Variants in MYH15 observed in about 807,000 individuals in gnomAD.
MYH15 encodes the protein myosin heavy chain 15, also known as myosin-15.
MYH15 carries 227 observed loss-of-function variants against 240.5 expected under a neutral mutation model. The observed-to-expected ratio is 0.94, with a 90% CI of 0.85 to 1.05. The LOEUF is 1.05. MYH15 is among the 50% of genes least tolerant of loss of function. The probability of loss-of-function intolerance (pLI) is 0.00; values close to 1 mark genes in which losing one functional copy is unlikely to be tolerated. For synonymous variants in MYH15, 785 were observed against 796.7 expected (o/e 0.99, Z 0.25); for missense variants, 2,217 against 2,247.5 (o/e 0.99, Z 0.27).
chr3:108,387,835 G>A (rs1432021423), intron 38 of MYH15, among the ~76,000 whole-genome samples: 5 of 152,204 alleles, frequency 3.3e-5, no homozygotes, highest in Admixed American at 3.3e-4. Context: ...AATAATAAAA[G>A]AGCTGTGCAA....
intron 27 of MYH15, among the ~76,000 whole-genome samples, chr3:108,426,126 T>A (rs1286607084): frequency 2.7e-5 from 4 of 149,796 alleles, no homozygotes; most frequent in African/African-American, 9.9e-5. Context: ...ATGAAATGTA[T>A]AATCAAAGAG....
At chr3:108,515,009 T>C (rs569890596), upstream of MYH15, among the ~76,000 whole-genome samples, 115 of 152,278 alleles carry the variant, frequency 7.6e-4, no homozygotes, top group African/African-American at 2.7e-3. Context: ...AATTACCAGT[T>C]CTTATCCACT....
At chr3:108,546,441 T>C in the MYH15 span, among the ~76,000 whole-genome samples, 2 of 152,184 alleles carry the variant, frequency 1.3e-5, no homozygotes, top group East Asian at 3.8e-4. Context: ...ACTAAATCCC[T>C]GCCAAATGCT....
intron 11 of MYH15, 77 bp from the exon 12 acceptor site, chr3:108,476,592 C>T (rs1468675766): frequency 4.3e-6 from 4 of 925,390 alleles, no homozygotes; most frequent in East Asian, 5.0e-5. Flanking sequence ...GCCAAACTAA[C>T]TACCCAGAGG....
At chr3:108,382,013 A>G (rs2082347357) in intron 40 of MYH15, among the ~76,000 whole-genome samples, 1 of 152,200 alleles carries the variant, frequency 6.6e-6, no homozygotes, top group Non-Finnish European at 1.5e-5. Context: ...CTGGCCTCTC[A>G]AAAGCAATTT....
At chr3:108,454,241 T>C in intron 20 of MYH15, 99 bp from the exon 21 acceptor site, 1 of 1,073,076 alleles carries the variant, frequency 9.3e-7, no homozygotes, top group Admixed American at 2.5e-5. Context: ...TAGGGATAAC[T>C]GTATCAATTC....
At chr3:108,423,225 A>C (rs987735613) in intron 27 of MYH15, among the ~76,000 whole-genome samples, 3 of 152,222 alleles carry the variant, frequency 2.0e-5, no homozygotes, top group African/African-American at 7.2e-5. Context: ...GCTCCACTCC[A>C]GTGGGCAGGC....
chr3:108,452,195 T>C (rs751496312), intron 21 of MYH15, among the ~76,000 whole-genome samples: 9 of 152,106 alleles, frequency 5.9e-5, no homozygotes, highest in African/African-American at 1.9e-4. Context: ...TCTTGCAAAA[T>C]TGCAGTTGTG....
chr3:108,543,149 G>A, the MYH15 span, among the ~76,000 whole-genome samples: 3 of 152,064 alleles, frequency 2.0e-5, no homozygotes, highest in East Asian at 1.9e-4. Flanking sequence ...AAAGTGCTGG[G>A]GTTACAGGCG....
intron 21 of MYH15, among the ~76,000 whole-genome samples, chr3:108,445,951 A>G (rs2082924333): frequency 6.6e-6 from 1 of 152,150 alleles, no homozygotes; most frequent in Admixed American, 6.6e-5. Flanking sequence ...AAAAAAAACT[A>G]GTGAATTGAG....
intron 33 of MYH15, among the ~76,000 whole-genome samples, chr3:108,403,987 C>CA: frequency 6.7e-6 from 1 of 148,380 alleles, no homozygotes; most frequent in African/African-American, 2.5e-5. Context: ...TTATTTGTTG[C>CA]TTTTTTTTTT....
intron 16 of MYH15, chr3:108,461,680 T>A (rs1419572935): frequency 6.6e-6 from 1 of 152,162 alleles, no homozygotes; most frequent in African/African-American, 2.4e-5. Context: ...AGAGGTACTT[T>A]AGCAGCTATT....
At chr3:108,521,688 T>C (rs1019020695) in intron 1 of MYH15, among the ~76,000 whole-genome samples, 2 of 152,236 alleles carry the variant, frequency 1.3e-5, no homozygotes, top group Non-Finnish European at 2.9e-5. Context: ...TGTTGCTTCA[T>C]ACAGGAATGA....
chr3:108,537,529 G>A, the MYH15 span, among the ~76,000 whole-genome samples: 1 of 152,198 alleles, frequency 6.6e-6, no homozygotes, highest in Non-Finnish European at 1.5e-5. Context: ...AGAGGCTAGA[G>A]GGAACTAGCT....
At chr3:108,515,811 T>C (rs1187141965) in intron 1 of MYH15, among the ~76,000 whole-genome samples, 2 of 152,180 alleles carry the variant, frequency 1.3e-5, no homozygotes, top group Non-Finnish European at 2.9e-5. Context: ...GAATCTGAGA[T>C]GTGCAAAATC....
At chr3:108,388,805 A>G (rs899593474) in intron 38 of MYH15, among the ~76,000 whole-genome samples, 165 bp downstream of exon 38, 2 of 152,168 alleles carry the variant, frequency 1.3e-5, no homozygotes, top group Non-Finnish European at 2.9e-5. Context: ...CCAAACCACT[A>G]ATAGCACAGG....
intron 15 of MYH15, among the ~76,000 whole-genome samples, 165 bp from the exon 16 acceptor site, chr3:108,463,408 G>C (rs1334438592): frequency 5.9e-5 from 9 of 151,870 alleles, no homozygotes; most frequent in Non-Finnish European, 1.2e-4. Context: ...TCGACCTCCT[G>C]GTCTCAATCA....
At chr3:108,547,206 T>C in the MYH15 span, among the ~76,000 whole-genome samples, 1 of 152,048 alleles carries the variant, frequency 6.6e-6, no homozygotes, top group Non-Finnish European at 1.5e-5. Context: ...TGTCACTTTG[T>C]TGCCCAGGCT....
chr3:108,469,661 C>T (rs2083154064), intron 14 of MYH15, among the ~76,000 whole-genome samples: 1 of 152,218 alleles, frequency 6.6e-6, no homozygotes, highest in South Asian at 2.1e-4. Flanking sequence ...TGTTAAGCTG[C>T]TCTGGGTCTA....
Sources: allele counts gnomAD v4.1 joint callset (sites outside exome capture counted in the v4.1 genomes callset), GRCh38; gene constraint gnomAD v4.1.1; transcripts MANE v1.5; gene names NCBI Gene and HGNC (gene_info 2026-07-23, HGNC 2026-07-21).